PDE4D: variants seen among roughly 807,000 people sequenced by gnomAD.
PDE4D encodes the protein phosphodiesterase 4D, also known as 3',5'-cyclic-AMP phosphodiesterase 4D.
Under a neutral mutation model 87.4 loss-of-function variants are expected in PDE4D, and 24 were observed. The ratio of observed to expected loss-of-function variants is 0.27; its 90% CI spans 0.20 to 0.39. The LOEUF is 0.39. Ranked by LOEUF, PDE4D falls within the 10% of genes least tolerant of loss-of-function variation. The pLI is 1.00. For missense variants in PDE4D, 714 were observed against 1,041.0 expected (o/e 0.69, Z 4.32); for synonymous variants, 384 against 383.2 (o/e 1.00, Z -0.02).
chr5:60,104,750 C>T (rs559720097), intron 2 of PDE4D, among the ~76,000 whole-genome samples: 61 of 152,338 alleles, frequency 4.0e-4, no homozygotes, highest in African/African-American at 1.5e-3. Context: ...CCCAGGCAAA[C>T]AGGGTCTGGA....
chr5:59,835,563 A>G (rs1242195331), intron 1 of PDE4D, among the ~76,000 whole-genome samples: 1 of 152,070 alleles, frequency 6.6e-6, no homozygotes, highest in African/African-American at 2.4e-5. Context: ...AATCATACAC[A>G]CCTGCATACA....
At chr5:59,688,683 T>G (rs1003007234) in intron 1 of PDE4D, among the ~76,000 whole-genome samples, 6 of 152,070 alleles carry the variant, frequency 3.9e-5, no homozygotes, top group Non-Finnish European at 8.8e-5. Flanking sequence ...AGCAAACGCA[T>G]TCAAAAGCTA....
At chr5:60,401,981 A>C (rs918590) in intron 1 of PDE4D, among the ~76,000 whole-genome samples, 47,999 of 152,072 alleles carry the variant, frequency 0.32, 8,695 homozygotes, top group East Asian at 0.53. Context: ...AAAATGGGAA[A>C]GAAAACACAG....
chr5:60,270,556 T>C (rs1420591443), intron 1 of PDE4D, among the ~76,000 whole-genome samples: 1 of 152,160 alleles, frequency 6.6e-6, no homozygotes, highest in Non-Finnish European at 1.5e-5. Context: ...GTTATTTTAA[T>C]CAATTCTATT....
chr5:59,927,670 A>C (rs1029148229), intron 3 of PDE4D, among the ~76,000 whole-genome samples: 2 of 152,208 alleles, frequency 1.3e-5, no homozygotes, highest in African/African-American at 4.8e-5. Context: ...GAAGGCACAT[A>C]AATCTAGAGA....
At chr5:60,386,630 G>A (rs1762210880) in intron 1 of PDE4D, among the ~76,000 whole-genome samples, 1 of 152,188 alleles carries the variant, frequency 6.6e-6, no homozygotes, top group Non-Finnish European at 1.5e-5. Context: ...GGGCAGCCCT[G>A]CGCATGAACT....
chr5:59,467,894 T>C (rs1012603230), intron 1 of PDE4D, among the ~76,000 whole-genome samples: 1 of 152,206 alleles, frequency 6.6e-6, no homozygotes, highest in African/African-American at 2.4e-5. Context: ...TTCATGATCA[T>C]ATGTTACAAA....
At chr5:59,947,338 T>C (rs1320826917) in intron 3 of PDE4D, among the ~76,000 whole-genome samples, 1 of 152,124 alleles carries the variant, frequency 6.6e-6, no homozygotes, top group Admixed American at 6.5e-5. Context: ...ACTTGCCATA[T>C]CCTTCCTGAT....
At chr5:59,237,633 G>C (rs1323397143) in intron 1 of PDE4D, among the ~76,000 whole-genome samples, 1 of 152,224 alleles carries the variant, frequency 6.6e-6, no homozygotes, top group Admixed American at 6.5e-5. Flanking sequence ...GTGAGAAAAG[G>C]CCTCATGGTC....
intron 1 of PDE4D, among the ~76,000 whole-genome samples, chr5:60,355,842 A>T (rs1759570932): frequency 6.6e-6 from 1 of 151,608 alleles, no homozygotes; most frequent in African/African-American, 2.4e-5. Flanking sequence ...TCATCTTTGC[A>T]TTGAGTAGGC....
At chr5:59,004,472 A>G (rs1014514825) in intron 6 of PDE4D, among the ~76,000 whole-genome samples, 2 of 152,212 alleles carry the variant, frequency 1.3e-5, no homozygotes, top group Non-Finnish European at 2.9e-5. Flanking sequence ...AAGTAACAGT[A>G]GCATGAAAAT....
chr5:59,030,265 T>G lies in PDE4D; in HGVS notation c.921+8594A>C, dbSNP rs532293950. Among the ~76,000 whole-genome samples, 9 of 151,604 alleles carry G rather than the reference T, an allele frequency of 5.9e-5. No homozygotes were observed. The South Asian group carries it at 1.7e-3, about 28-fold the overall frequency. On this transcript the variant is annotated intron_variant, in intron 6 of 14. Coordinates refer to ENST00000340635, the MANE Select transcript of PDE4D (RefSeq NM_001104631.2). Reference sequence around the variant, plus strand: ...AGACAACCCATGGATCAGGAGAAAATATCTGCAAACCATACATCTGATAAG... The same window carrying G: ...AGACAACCCATGGATCAGGAGAAAAGATCTGCAAACCATACATCTGATAAG...
At chr5:59,668,744 AG>A in intron 1 of PDE4D, among the ~76,000 whole-genome samples, 7 of 149,654 alleles carry the variant, frequency 4.7e-5, no homozygotes, top group Non-Finnish European at 1.0e-4. Flanking sequence ...AGAAAGAAGA[AG>A]AAGAAGAAGA....
At chr5:59,530,818 A>G (rs1814077726) in intron 1 of PDE4D, among the ~76,000 whole-genome samples, 1 of 152,198 alleles carries the variant, frequency 6.6e-6, no homozygotes, top group Non-Finnish European at 1.5e-5. Context: ...CCAGCTCTAA[A>G]TTTATTATAG....
chr5:59,188,009 G>T (rs1234226587), intron 3 of PDE4D, among the ~76,000 whole-genome samples: 2 of 152,074 alleles, frequency 1.3e-5, no homozygotes, highest in Admixed American at 6.6e-5. Flanking sequence ...GGCACAAAGA[G>T]GGAGCATCTG....
intron 1 of PDE4D, among the ~76,000 whole-genome samples, chr5:60,326,621 T>C (rs1756819587): frequency 6.6e-6 from 1 of 152,114 alleles, no homozygotes; most frequent in Non-Finnish European, 1.5e-5. Flanking sequence ...TCTTATGACT[T>C]TTTATCTCAT....
intron 1 of PDE4D, among the ~76,000 whole-genome samples, chr5:59,775,153 C>G (rs957818888): frequency 6.6e-6 from 1 of 151,978 alleles, no homozygotes; most frequent in African/African-American, 2.4e-5. Flanking sequence ...CCCAGAATGC[C>G]CTCTCTAAAT....
At chr5:59,629,625 T>C (rs1330566315) in intron 1 of PDE4D, among the ~76,000 whole-genome samples, 1 of 152,058 alleles carries the variant, frequency 6.6e-6, no homozygotes, top group Non-Finnish European at 1.5e-5. Flanking sequence ...TCCAGAACGG[T>C]GAGATAATAA....
At chr5:59,404,049 G>A (rs1349337884) in intron 1 of PDE4D, among the ~76,000 whole-genome samples, 1 of 152,168 alleles carries the variant, frequency 6.6e-6, no homozygotes, top group Non-Finnish European at 1.5e-5. Context: ...TTTCCCTGAT[G>A]ACCAATGACA....
Sources: gnomAD v4.1 joint callset for allele counts (sites outside exome capture counted in the v4.1 genomes callset) on GRCh38, gnomAD v4.1.1 for gene constraint, MANE v1.5 for transcripts, NCBI Gene and HGNC (gene_info 2026-07-23, HGNC 2026-07-21) for gene names.